Variants in MS4A14 observed in about 807,000 individuals in gnomAD.
The protein encoded by MS4A14 is membrane spanning 4-domains A14.
In MS4A14, 18 loss-of-function variants were observed where a neutral mutation model predicts 16.7. The observed-to-expected ratio is 1.08, with a 90% confidence interval of 0.75 to 1.60. The LOEUF is 1.60. Among genes scored for constraint, MS4A14 ranks in the 40% most tolerant of loss-of-function variants. MS4A14 has a pLI of 0.00. For synonymous variants in MS4A14, 305 were observed against 289.4 expected (o/e 1.05, Z -0.55); for missense variants, 812 against 775.3 (o/e 1.05, Z -0.56).
chr11:60,398,216 A>C (rs1266181274), intron 2 of MS4A14: 1 of 351,656 alleles, frequency 2.8e-6, no homozygotes, highest in African/African-American at 2.1e-5. Flanking sequence ...ATAGTAAGAC[A>C]TTTGCTCCTC....
chr11:60,400,454 G>T lies in MS4A14; in HGVS notation c.318G>T (p.Leu106=). The change falls in exon 3 of 5, where the codon CTG becomes CTT. Residue 106 remains leucine, a splice_region_variant and synonymous_variant. Coordinates refer to ENST00000300187, the MANE Select transcript of MS4A14 (RefSeq NM_032597.5). ...LTVTDKKSKL[L]GQGVTGMNVI... ...TAACCGATAAGAAATCAAAACTTCT[G>T]GTAAGCCACTTAAACTACATAAAAT... 1 of 1,597,300 alleles carries T rather than the reference G, an allele frequency of 6.3e-7. No homozygotes were observed. Among genetic ancestry groups the T allele is most frequent in the South Asian group, 1.1e-5 (1 of 89,746 alleles).
At chr11:60,406,266 T>C (rs1244238074) in intron 4 of MS4A14, among the ~76,000 whole-genome samples, 3 of 152,174 alleles carry the variant, frequency 2.0e-5, no homozygotes. Flanking sequence ...AAATATGTAA[T>C]ATCAGACTTA....
chr11:60,416,754 A>C lies in MS4A14; in HGVS notation c.1786A>C (p.Asn596His), dbSNP rs753226344. ...VKDQQTDKEQ[N>H]SKKQTQDQQT... Reference sequence around the variant, plus strand: ...AGACCAGCAGACTGATAAGGAGCAAAACTCAAAGAAGCAAACCCAGGATCA... The same window carrying C: ...AGACCAGCAGACTGATAAGGAGCAACACTCAAAGAAGCAAACCCAGGATCA... The change falls in exon 5 of 5, where the codon AAC becomes CAC. Residue 596 changes from asparagine (N) to histidine (H), a missense_variant. Asn to His is a moderately conservative substitution (Grantham distance 68). Transcript: ENST00000300187. 6.2e-7 allele frequency: 1 copy of C among 1,613,472 alleles called. No individual in the cohort carries two copies.
intron 4 of MS4A14, among the ~76,000 whole-genome samples, chr11:60,403,959 C>T (rs972460869): frequency 5.9e-5 from 9 of 152,212 alleles, no homozygotes; most frequent in African/African-American, 2.2e-4. Context: ...CAGGGACTCT[C>T]TCATGTGTTC....
chr11:60,405,855 T>C (rs892177861), intron 4 of MS4A14: 6 of 1,440,684 alleles, frequency 4.2e-6, no homozygotes, highest in Non-Finnish European at 5.7e-6. Flanking sequence ...AGCTCTCATT[T>C]CAAATACCAT....
At chr11:60,410,831 GTT>G (rs34211432) in intron 4 of MS4A14, among the ~76,000 whole-genome samples, 13 of 151,564 alleles carry the variant, frequency 8.6e-5, no homozygotes, top group South Asian at 2.1e-4. Context: ...TATTTTTTGG[GTT>G]TTTTTTTTTG....
chr11:60,417,113 G>A lies in MS4A14; in HGVS notation c.*105G>A. 1 of 1,413,130 alleles carries A rather than the reference G, an allele frequency of 7.1e-7. No homozygotes were observed. The highest frequency in any genetic ancestry group is 9.4e-7 in the Non-Finnish European group (1 of 1,067,828). The allele number at this position is 1,413,130 out of a possible 1,614,324, so 87.5% of individuals were successfully genotyped here. A position where few individuals can be genotyped will look rare whatever the true frequency, so the allele number is the denominator to read the frequency against. ...AGAGAAAGAAGCCCTAAAGCAGAAA[G>A]CTCTATACCAAGAAGTCCAAACCCA... On this transcript the variant is annotated 3_prime_UTR_variant, in exon 5 of 5. Transcript: ENST00000300187.
intron 4 of MS4A14, among the ~76,000 whole-genome samples, chr11:60,413,601 G>A (rs115321803): frequency 1.6e-3 from 248 of 151,994 alleles, no homozygotes; most frequent in Middle Eastern, 0.01. Context: ...CCTGTTTTAA[G>A]CCCTTTAGAA....
chr11:60,414,408 A>C (rs1004502059), intron 4 of MS4A14, among the ~76,000 whole-genome samples: 2 of 152,220 alleles, frequency 1.3e-5, no homozygotes, highest in Admixed American at 1.3e-4. Flanking sequence ...TTAGCAAACG[A>C]GGTAAGCATA....
intron 4 of MS4A14, chr11:60,404,664 C>A: frequency 2.2e-6 from 1 of 449,482 alleles, no homozygotes; most frequent in African/African-American, 2.0e-5. Context: ...GAACCGTCAC[C>A]AGGCCAGTTA....
At position 60,416,900 on chromosome 11, in the gene MS4A14, A is replaced by C. The variant is rs766979350; in HGVS notation, c.1932A>C (p.Ser644=). Reference sequence around the variant, plus strand: ...TGCCAAAACTGTTATGCCAAGATTCAGAATCCCAAATACAGCAATACCAAT... The same window carrying C: ...TGCCAAAACTGTTATGCCAAGATTCCGAATCCCAAATACAGCAATACCAAT... The part of the protein sequence containing the change: ...EKVPKLLCQD[S]ESQIQQYQFW... Residue 644 remains serine (S), a synonymous_variant, in exon 5 of 5, where the codon TCA becomes TCC. Coordinates refer to ENST00000300187, the MANE Select transcript of MS4A14 (RefSeq NM_032597.5). The C allele has an allele frequency of 6.2e-6, 10 of 1,613,666 alleles. No individual in the cohort carries two copies. Among genetic ancestry groups the C allele is most frequent in the Non-Finnish European group, 4.2e-6 (5 of 1,179,796 alleles).
chr11:60,404,078 A>C (rs560874826), intron 4 of MS4A14, among the ~76,000 whole-genome samples: 1 of 152,226 alleles, frequency 6.6e-6, no homozygotes, highest in Non-Finnish European at 1.5e-5. Context: ...ATACAACATT[A>C]TAATTCTTGG....
intron 1 of MS4A14, 78 bp downstream of exon 1, chr11:60,396,794 T>G: frequency 7.1e-7 from 1 of 1,410,238 alleles, no homozygotes; most frequent in South Asian, 1.4e-5. Flanking sequence ...TGCAGAGATA[T>G]GCAGAGATTA....
At position 60,416,238 on chromosome 11, in the gene MS4A14, AT is replaced by A; in HGVS notation, c.1272del (p.Ile424MetfsTer65). 2 of 1,613,964 alleles carry A rather than the reference AT, an allele frequency of 1.2e-6. No individual in the cohort carries two copies. The highest frequency in any genetic ancestry group is 1.7e-6 in the Non-Finnish European group (2 of 1,179,956). ...AILPEASTSHIVQFPEIQHLL... is the reference protein window; with the variant it reads ...AILPEASTSHXVQFPEIQHLL... ...ATTACCTGAAGCCTCAACATCCCAT[AT>A]TGTGCAGTTCCCTGAAATACAACAC... On this transcript the variant is annotated frameshift_variant, in exon 5 of 5. Coordinates refer to ENST00000300187, the MANE Select transcript of MS4A14 (RefSeq NM_032597.5). LOFTEE classifies it low-confidence loss of function (END_TRUNC).
At chr11:60,405,404 T>C (rs1337118044) in intron 4 of MS4A14, among the ~76,000 whole-genome samples, 4 of 152,278 alleles carry the variant, frequency 2.6e-5, no homozygotes, top group South Asian at 4.1e-4. Flanking sequence ...GTAACTCAGG[T>C]CTTTCTGTCT....
chr11:60,416,161 A>G lies in MS4A14; in HGVS notation c.1193A>G (p.Gln398Arg), dbSNP rs754073902. The G allele has an allele frequency of 9.9e-6, 16 of 1,613,184 alleles. No homozygotes were observed. The highest frequency in any genetic ancestry group is 1.4e-5 in the Non-Finnish European group (16 of 1,179,676). Reference protein sequence around the residue: ...QDTPSHAMPPQDIPSQDMLSQ... With the variant: ...QDTPSHAMPPRDIPSQDMLSQ... ...ACACCATCCCACGCCATGCCACCTC[A>G]AGACATACCTTCCCAAGATATGCTA... Residue 398 changes from glutamine to arginine, a missense_variant, in exon 5 of 5, where the codon CAA becomes CGA. Gln to Arg is a conservative substitution (Grantham distance 43). Coordinates refer to ENST00000300187, the MANE Select transcript of MS4A14 (RefSeq NM_032597.5).
chr11:60,411,950 G>A (rs1415441519), intron 4 of MS4A14, among the ~76,000 whole-genome samples: 1 of 151,976 alleles, frequency 6.6e-6, no homozygotes, highest in African/African-American at 2.4e-5. Flanking sequence ...TCTCTTCCTA[G>A]TTTTATGAGA....
rs1261641956 is a variant in MS4A14, at chr11:60,416,598, A to ACTCTT, written c.1630_1631insCTCTT (p.Lys544ThrfsTer7). The ACTCTT allele has an allele frequency of 2.2e-5, 36 of 1,613,806 alleles. No individual in the cohort carries two copies. Among genetic ancestry groups the ACTCTT allele is most frequent in the Non-Finnish European group, 2.9e-5 (34 of 1,179,944 alleles). On this transcript the variant is annotated frameshift_variant, in exon 5 of 5. Coordinates refer to ENST00000300187, the MANE Select transcript of MS4A14 (RefSeq NM_032597.5). LOFTEE classifies it low-confidence loss of function (END_TRUNC). ...GCAAATCAAAGACTGGCTATCCCCA[A>ACTCTT]AGAGGCACTCCGTAGATAAGCAAGC...
At chr11:60,398,183 T>A in intron 2 of MS4A14, 1 of 465,454 alleles carries the variant, frequency 2.1e-6, no homozygotes, top group Non-Finnish European at 3.8e-6. Context: ...TGCTTAAAAT[T>A]TGTTTCCAAA....
Sources: gnomAD v4.1 joint callset for allele counts (sites outside exome capture counted in the v4.1 genomes callset) on GRCh38, gnomAD v4.1.1 for gene constraint, MANE v1.5 for transcripts, NCBI Gene and HGNC (gene_info 2026-07-23, HGNC 2026-07-21) for gene names.